TMEM109: variants seen among roughly 807,000 people sequenced by gnomAD.
TMEM109 encodes the protein voltage-gated monoatomic cation channel TMEM109.
In TMEM109, 19 loss-of-function variants were observed where a neutral mutation model predicts 26.4. The observed-to-expected ratio is 0.72, with a 90% CI of 0.50 to 1.06. TMEM109 has a LOEUF of 1.06. Ranked by LOEUF, TMEM109 falls within the 50% of genes least tolerant of loss-of-function variation. The pLI is 0.00. For synonymous variants in TMEM109, 129 were observed against 142.0 expected, an observed-to-expected ratio of 0.91 and a Z score of 0.65; for missense variants, 262 against 303.4, an observed-to-expected ratio of 0.86 and a Z score of 1.01.
In TMEM109 at chr11:60,922,488, GTC is replaced by G. The variant is rs1856257874; in HGVS notation, c.*328_*329del. ...GCGCCAGCAAACATCACTGCCGTTG[GTC>G]TCTCATGACTTAACTGGCTTCCCTC... On this transcript the variant is annotated 3_prime_UTR_variant, in exon 4 of 4. Transcript: ENST00000227525. 2 of 874,906 alleles carry G rather than the reference GTC, an allele frequency of 2.3e-6. No individual in the cohort carries two copies. Among genetic ancestry groups the G allele is most frequent in the East Asian group, 3.7e-5 (1 of 27,108 alleles). 54.2% of individuals were successfully genotyped at this position (874,906 alleles called of 1,614,324 possible). A position where few individuals can be genotyped will look rare whatever the true frequency, so the allele number is the denominator to read the frequency against.
chr11:60,919,635 G>A, intron 1 of TMEM109, 51 bp from the exon 2 acceptor site: 1 of 1,417,636 alleles, frequency 7.1e-7, no homozygotes, highest in Non-Finnish European at 1.0e-6. Flanking sequence ...GAGCTGAGAG[G>A]GTGAGTGTGT....
chr11:60,920,773 G>C, intron 2 of TMEM109, 113 bp from the exon 3 acceptor site: 1 of 982,398 alleles, frequency 1.0e-6, no homozygotes, highest in African/African-American at 1.6e-5. Context: ...ACCACTGGGT[G>C]AGAAACAGGT....
In TMEM109 at chr11:60,919,800, G is replaced by T. The variant is rs139328208; in HGVS notation, c.107G>T (p.Arg36Leu). The change falls in exon 2 of 4, where the codon CGT (arginine) becomes CTT (leucine). Residue 36 changes from arginine to leucine, a missense_variant. Arg to Leu is a moderately radical substitution (Grantham distance 102, BLOSUM62 -2). Transcript: ENST00000227525. The stretch of plus-strand genomic sequence containing the variant: ...CTCCACTCAGCATTGGCCCAGTCCC[G>T]TCGAGACTTTGCACCACCAGGCCAA... ...ILLHSALAQS[R>L]RDFAPPGQQK... is the part of the protein sequence containing the mutation. The T allele has an allele frequency of 3.1e-6, 5 of 1,613,982 alleles. No individual in the cohort carries two copies. In the African/African-American group the frequency reaches 4.0e-5, roughly 13 times the overall value.
At chr11:60,920,005 C>T in intron 2 of TMEM109, 75 bp downstream of exon 2, 1 of 1,228,388 alleles carries the variant, frequency 8.1e-7, no homozygotes, top group Non-Finnish European at 1.2e-6. Context: ...ATGGCCACCT[C>T]ATCTTAGTTC....
chr11:60,922,543 C>T lies in TMEM109; in HGVS notation c.*378C>T. The T allele has an allele frequency of 2.3e-6, 1 of 441,488 alleles. No homozygotes were observed. The highest frequency in any genetic ancestry group is 4.1e-6 in the Non-Finnish European group (1 of 246,040). 27.3% of individuals were successfully genotyped at this position (441,488 alleles called of 1,614,324 possible). The stretch of plus-strand genomic sequence containing the variant: ...CTGCTGCCTTGGCTTCCTCCTAATG[C>T]TCGTGCTCTCCTGTCCTTCTGAAGT... On this transcript the variant is annotated 3_prime_UTR_variant, in exon 4 of 4. Transcript: ENST00000227525.
Position 60,921,997 on chromosome 11 carries a change from A to G in TMEM109, c.564A>G (p.Leu188=), listed in dbSNP as rs1856246681. 6.2e-7 allele frequency: 1 copy of G among 1,612,492 alleles called. No individual in the cohort carries two copies. Among genetic ancestry groups the G allele is most frequent in the Non-Finnish European group, 8.5e-7 (1 of 1,179,768 alleles). The change falls in exon 4 of 4, where the codon CTA becomes CTG. Residue 188 remains leucine, a synonymous_variant. Coordinates refer to ENST00000227525, the MANE Select transcript of TMEM109 (RefSeq NM_024092.3). ...CTGACCCTTCCACCCGGGCCCTGCT[A>G]CTCCTGGCCTTGCTGATCCTCTACG... ...SVPDPSTRAL[L]LLALLILYAL... is the part of the protein sequence containing the mutation.
chr11:60,915,997 G>A (rs555011610), intron 1 of TMEM109, among the ~76,000 whole-genome samples: 2 of 152,318 alleles, frequency 1.3e-5, no homozygotes, highest in African/African-American at 4.8e-5. Context: ...ATGGTCTCCT[G>A]GTATGTGTTC....
Position 60,922,388 on chromosome 11 carries a change from C to T in TMEM109, c.*223C>T. ...TGAGGTTCTCTGTCTGGGGTTGGCTCTCTTAACCCTTTCTCTGCTCCCAGC... is the reference window on the plus strand; with the variant it reads ...TGAGGTTCTCTGTCTGGGGTTGGCTTTCTTAACCCTTTCTCTGCTCCCAGC... On this transcript the variant is annotated 3_prime_UTR_variant, in exon 4 of 4. Transcript: ENST00000227525. 1 of 1,528,056 alleles carries T rather than the reference C, an allele frequency of 6.5e-7. No individual in the cohort carries two copies. The highest frequency in any genetic ancestry group is 2.0e-5 in the Admixed American group (1 of 50,722). The allele number at this position is 1,528,056 out of a possible 1,614,324, so 94.7% of individuals were successfully genotyped here.
rs746771915 is a variant in TMEM109 at position 60,922,461 on chromosome 11, C to T, written c.*296C>T. On this transcript the variant is annotated 3_prime_UTR_variant, in exon 4 of 4. Coordinates refer to ENST00000227525, the MANE Select transcript of TMEM109 (RefSeq NM_024092.3). Reference sequence around the variant, plus strand: ...AGGGGCCTCCCTCTGGCTTCTGCATCTGCGCCAGCAAACATCACTGCCGTT... The same window carrying T: ...AGGGGCCTCCCTCTGGCTTCTGCATTTGCGCCAGCAAACATCACTGCCGTT... 11 of 1,179,126 alleles carry T rather than the reference C, an allele frequency of 9.3e-6. No homozygotes were observed. Among genetic ancestry groups the T allele is most frequent in the African/African-American group, 3.1e-5 (2 of 65,236 alleles). 73.0% of individuals were successfully genotyped at this position (1,179,126 alleles called of 1,614,324 possible). A position where few individuals can be genotyped will look rare whatever the true frequency, so the allele number is the denominator to read the frequency against.
chr11:60,917,517 G>A (rs1490454387), intron 1 of TMEM109, among the ~76,000 whole-genome samples: 2 of 152,196 alleles, frequency 1.3e-5, no homozygotes, highest in Non-Finnish European at 2.9e-5. Flanking sequence ...TCAATGAGTT[G>A]GCACTTGTTG....
intron 1 of TMEM109, among the ~76,000 whole-genome samples, chr11:60,916,102 C>G (rs577841790): frequency 1.3e-5 from 2 of 152,040 alleles, no homozygotes; most frequent in African/African-American, 4.8e-5. Flanking sequence ...AGGCAGCATG[C>G]GGGTATGGGA....
chr11:60,915,525 G>A (rs1202427118), intron 1 of TMEM109, among the ~76,000 whole-genome samples: 1 of 152,234 alleles, frequency 6.6e-6, no homozygotes, highest in African/African-American at 2.4e-5. Flanking sequence ...TGAGTGAGTA[G>A]CCCTGGGTGG....
intron 1 of TMEM109, among the ~76,000 whole-genome samples, chr11:60,916,749 T>G (rs2134877208): frequency 6.6e-6 from 1 of 152,236 alleles, no homozygotes; most frequent in Non-Finnish European, 1.5e-5. Context: ...GTCTCCTAGC[T>G]CCCCTTAACT....
At chr11:60,915,089 G>C (rs2134875926) in intron 1 of TMEM109, among the ~76,000 whole-genome samples, 1 of 152,296 alleles carries the variant, frequency 6.6e-6, no homozygotes, top group Admixed American at 6.5e-5. Context: ...CTAGGCGCTG[G>C]GGATTCCAAC....
At chr11:60,920,802 T>C (rs1856226888) in intron 2 of TMEM109, 84 bp from the exon 3 acceptor site, 1 of 1,208,750 alleles carries the variant, frequency 8.3e-7, no homozygotes, top group East Asian at 2.4e-5. Flanking sequence ...TTCCTGCAGT[T>C]CTTGCCTGGA....
In TMEM109 at chr11:60,922,370, C is replaced by G; in HGVS notation, c.*205C>G. Reference sequence around the variant, plus strand: ...CCTTGCGGCCCTGTCTTCTGAGGTTCTCTGTCTGGGGTTGGCTCTCTTAAC... The same window carrying G: ...CCTTGCGGCCCTGTCTTCTGAGGTTGTCTGTCTGGGGTTGGCTCTCTTAAC... On this transcript the variant is annotated 3_prime_UTR_variant, in exon 4 of 4. Transcript: ENST00000227525. 4.6e-6 allele frequency: 7 copies of G among 1,532,826 alleles called. No homozygotes were observed. In the South Asian group the frequency reaches 8.4e-5, roughly 18 times the overall value. 95.0% of individuals were successfully genotyped at this position (1,532,826 alleles called of 1,614,324 possible). A position where few individuals can be genotyped will look rare whatever the true frequency, so the allele number is the denominator to read the frequency against.
intron 1 of TMEM109, among the ~76,000 whole-genome samples, chr11:60,916,181 A>C (rs894017691): frequency 2.2e-4 from 33 of 152,302 alleles, no homozygotes; most frequent in African/African-American, 7.9e-4. Flanking sequence ...GTGATCTTGG[A>C]TAAGTCACTC....
intron 3 of TMEM109, 109 bp from the exon 4 acceptor site, chr11:60,921,665 C>G: frequency 1.2e-6 from 1 of 818,156 alleles, no homozygotes. Context: ...GCGAGAACGG[C>G]TTATTCCTTT....
intron 2 of TMEM109, 56 bp from the exon 3 acceptor site, chr11:60,920,830 G>A: frequency 6.9e-7 from 1 of 1,447,808 alleles, no homozygotes; most frequent in South Asian, 1.1e-5. Context: ...GATCAGGCGT[G>A]AAGGCGAGGA....
Sources: allele counts gnomAD v4.1 joint callset (sites outside exome capture counted in the v4.1 genomes callset), GRCh38; gene constraint gnomAD v4.1.1; transcripts MANE v1.5; gene names NCBI Gene and HGNC (gene_info 2026-07-23, HGNC 2026-07-21).